The following MTHFS variants were observed in gnomAD, a reference collection of about 807,000 sequenced individuals.
MTHFS encodes the protein 5-formyltetrahydrofolate cyclo-ligase.
Under a neutral mutation model 12.7 loss-of-function variants are expected in MTHFS, and 7 were observed. The ratio of observed to expected loss-of-function variants is 0.55; its 90% CI spans 0.31 to 1.03. MTHFS has a LOEUF of 1.03. Among genes scored for constraint, MTHFS ranks in the 50% least tolerant of loss-of-function variants. The pLI is 0.05. For synonymous variants in MTHFS, 100 were observed against 97.1 expected (o/e 1.03, Z -0.18); for missense variants, 252 against 258.1 (o/e 0.98, Z 0.16).
intron 2 of MTHFS, among the ~76,000 whole-genome samples, chr15:79,864,077 GC>G (rs2033962999): frequency 6.6e-6 from 1 of 152,208 alleles, no homozygotes; most frequent in African/African-American, 2.4e-5. Flanking sequence ...TTTGACTGTG[GC>G]ATGCCCATAA....
intron 2 of MTHFS, among the ~76,000 whole-genome samples, chr15:79,851,656 A>G (rs2033718993): frequency 6.6e-6 from 1 of 152,172 alleles, no homozygotes; most frequent in Non-Finnish European, 1.5e-5. Context: ...TATTATCCCC[A>G]TTTCACAAAA....
chr15:79,846,933 C>T (rs536643798), intron 2 of MTHFS, among the ~76,000 whole-genome samples: 1 of 152,350 alleles, frequency 6.6e-6, no homozygotes, highest in Admixed American at 6.5e-5. Context: ...GTAAGGTCCT[C>T]TGGAGGACAC....
intron 2 of MTHFS, among the ~76,000 whole-genome samples, chr15:79,884,748 AAC>A (rs2034353532): frequency 6.6e-6 from 1 of 152,232 alleles, no homozygotes; most frequent in African/African-American, 2.4e-5. Flanking sequence ...GAAAATAAGG[AAC>A]AGTGAGACAT....
Position 79,845,377 on chromosome 15 carries a change from C to T in MTHFS, c.445G>A (p.Gly149Ser), listed in dbSNP as rs1396449646. The change falls in exon 3 of 3, where the codon GGC (glycine) becomes AGC (serine). Residue 149 changes from glycine (G) to serine (S), a missense_variant. Transcript: ENST00000258874. ...FDKHGNRLGR[G>S]KGYYDAYLKR... ...AGATAGGCATCATAGTAGCCCTTGCCCCTCCCCAGTCGGTTGCCATGTTTG... is the reference window on the plus strand; with the variant it reads ...AGATAGGCATCATAGTAGCCCTTGCTCCTCCCCAGTCGGTTGCCATGTTTG... 5.0e-6 allele frequency: 8 copies of T among 1,614,032 alleles called. No homozygotes were observed. The African/African-American group carries it at 9.3e-5, about 19-fold the overall frequency.
intron 2 of MTHFS, among the ~76,000 whole-genome samples, chr15:79,847,004 T>A (rs78466925): frequency 0.025 from 3,768 of 152,286 alleles, 171 homozygotes; most frequent in African/African-American, 0.086. Flanking sequence ...CGCATGTAAT[T>A]TCCATTCCAA....
At chr15:79,869,682 C>T (rs1190063899) in intron 2 of MTHFS, among the ~76,000 whole-genome samples, 1 of 152,178 alleles carries the variant, frequency 6.6e-6, no homozygotes, top group Non-Finnish European at 1.5e-5. Context: ...GATCCTCCCA[C>T]CTCGGCCTCC....
At chr15:79,874,886 C>T (rs573797018) in intron 2 of MTHFS, among the ~76,000 whole-genome samples, 4 of 152,224 alleles carry the variant, frequency 2.6e-5, no homozygotes, top group South Asian at 2.1e-4. Context: ...CCCTGAACAT[C>T]GCTGTTATCC....
intron 2 of MTHFS, among the ~76,000 whole-genome samples, chr15:79,847,138 G>A (rs1362561722): frequency 6.6e-6 from 1 of 152,186 alleles, no homozygotes; most frequent in East Asian, 1.9e-4. Flanking sequence ...AACTTGACCT[G>A]GATTTTTAAG....
At chr15:79,871,128 G>A (rs2034097552) in intron 2 of MTHFS, among the ~76,000 whole-genome samples, 1 of 152,066 alleles carries the variant, frequency 6.6e-6, no homozygotes, top group South Asian at 2.1e-4. Flanking sequence ...AGGCAACAGA[G>A]TGAGACTCTG....
chr15:79,887,352 T>C (rs1596081233), intron 2 of MTHFS, among the ~76,000 whole-genome samples: 2 of 152,386 alleles, frequency 1.3e-5, no homozygotes, highest in Non-Finnish European at 1.5e-5. Flanking sequence ...TTTTCACCAC[T>C]GTACTTGAAT....
At chr15:79,879,252 C>A (rs2034253816) in intron 2 of MTHFS, among the ~76,000 whole-genome samples, 1 of 151,762 alleles carries the variant, frequency 6.6e-6, no homozygotes, top group South Asian at 2.1e-4. Flanking sequence ...GGAGGGTCTG[C>A]CTGCAGGCCT....
At chr15:79,854,181 C>A (rs531540341) in intron 2 of MTHFS, among the ~76,000 whole-genome samples, 2 of 152,210 alleles carry the variant, frequency 1.3e-5, no homozygotes, top group African/African-American at 4.8e-5. Flanking sequence ...CAGGTCAGGG[C>A]CATGGTGAGG....
intron 2 of MTHFS, among the ~76,000 whole-genome samples, chr15:79,887,428 T>TA (rs1219963988): frequency 6.6e-6 from 1 of 152,182 alleles, no homozygotes; most frequent in Non-Finnish European, 1.5e-5. Flanking sequence ...GAAGATGTTC[T>TA]AGAAGGAGCA....
chr15:79,872,768 G>A (rs921529272), intron 2 of MTHFS, among the ~76,000 whole-genome samples: 1 of 152,158 alleles, frequency 6.6e-6, no homozygotes, highest in Non-Finnish European at 1.5e-5. Context: ...TTATGCCAAT[G>A]AGCAATGACA....
At chr15:79,852,540 T>C (rs571696792) in intron 2 of MTHFS, among the ~76,000 whole-genome samples, 6 of 152,342 alleles carry the variant, frequency 3.9e-5, no homozygotes, top group African/African-American at 1.4e-4. Flanking sequence ...TCTGGGAATA[T>C]TCACACTGAA....
intron 2 of MTHFS, among the ~76,000 whole-genome samples, chr15:79,854,401 G>A (rs1251290884): frequency 6.6e-6 from 1 of 152,216 alleles, no homozygotes; most frequent in Non-Finnish European, 1.5e-5. Flanking sequence ...GAGTGTGGAT[G>A]TGCACTGGGG....
intron 2 of MTHFS, among the ~76,000 whole-genome samples, chr15:79,887,016 T>C (rs2034394314): frequency 6.6e-6 from 1 of 152,110 alleles, no homozygotes; most frequent in Admixed American, 6.6e-5. Context: ...AGGTGGATCA[T>C]CTGAGGTCAG....
intron 2 of MTHFS, among the ~76,000 whole-genome samples, chr15:79,852,350 A>G (rs1269093693): frequency 6.6e-6 from 1 of 152,220 alleles, no homozygotes; most frequent in Admixed American, 6.5e-5. Flanking sequence ...AAATATATTC[A>G]ACTTCTGATT....
At chr15:79,849,405 GGGGCTCCTCACACTTT>G (rs2033673459) in intron 2 of MTHFS, among the ~76,000 whole-genome samples, 1 of 152,020 alleles carries the variant, frequency 6.6e-6, no homozygotes, top group Non-Finnish European at 1.5e-5. Context: ...ACACACCCCT[GGGGCTCCTCACACTTT>G]GGGAACACTA....
Sources: allele counts gnomAD v4.1 joint callset (sites outside exome capture counted in the v4.1 genomes callset), GRCh38; gene constraint gnomAD v4.1.1; transcripts MANE v1.5; gene names NCBI Gene and HGNC (gene_info 2026-07-23, HGNC 2026-07-21).